LRP1B: variants seen among roughly 807,000 people sequenced by gnomAD.
LRP1B encodes the protein low-density lipoprotein receptor-related protein 1B.
Under a neutral mutation model 556.6 loss-of-function variants are expected in LRP1B, and 217 were observed. The ratio of observed to expected loss-of-function variants is 0.39; its 90% CI spans 0.35 to 0.44. The LOEUF is 0.44. LRP1B is among the 20% of genes least tolerant of loss of function. The pLI is 1.00. For missense variants in LRP1B, 5,053 were observed against 5,620.8 expected (o/e 0.90, Z 3.23); for synonymous variants, 2,047 against 1,865.8 (o/e 1.10, Z -2.50).
In LRP1B at chr2:140,868,278, A is replaced by G. The variant is rs2105156941; in HGVS notation, c.4170-15T>C. ...AGAAAAGAATTCTAAAAAAAAAAAA[A>G]AAAAAAGAAATAATACTATTGTTTC... On this transcript the variant is annotated splice_polypyrimidine_tract_variant and intron_variant, in intron 25 of 90. Transcript: ENST00000389484. 8.3e-6 allele frequency: 13 copies of G among 1,556,966 alleles called. No individual in the cohort carries two copies. Among genetic ancestry groups the G allele is most frequent in the Non-Finnish European group, 1.1e-5 (13 of 1,159,100 alleles).
intron 47 of LRP1B, among the ~76,000 whole-genome samples, chr2:140,533,491 G>A (rs1277684435): frequency 6.6e-6 from 1 of 152,028 alleles, no homozygotes; most frequent in Non-Finnish European, 1.5e-5. Flanking sequence ...GATGACATAG[G>A]GATGAACTGG....
chr2:142,021,172 T>C (rs1254587454), intron 1 of LRP1B, among the ~76,000 whole-genome samples: 3 of 152,170 alleles, frequency 2.0e-5, no homozygotes, highest in South Asian at 2.1e-4. Context: ...TCCAGAGATA[T>C]AATGATTCAT....
intron 3 of LRP1B, among the ~76,000 whole-genome samples, chr2:141,285,490 C>A (rs1422697566): frequency 1.1e-5 from 1 of 91,306 alleles, no homozygotes; most frequent in African/African-American, 4.5e-5. Context: ...GAGTGTTGTT[C>A]TGTCGCCCAG....
At chr2:141,837,335 T>C (rs949838652) in intron 1 of LRP1B, among the ~76,000 whole-genome samples, 1 of 152,046 alleles carries the variant, frequency 6.6e-6, no homozygotes, top group East Asian at 1.9e-4. Context: ...TTTCTGAATG[T>C]CACTTTTTTA....
intron 31 of LRP1B, among the ~76,000 whole-genome samples, chr2:140,836,177 A>G (rs1351273315): frequency 6.6e-6 from 1 of 152,202 alleles, no homozygotes; most frequent in Non-Finnish European, 1.5e-5. Flanking sequence ...TCTTTAGAGT[A>G]TATAAGTATG....
At chr2:141,868,425 T>C (rs1698482101) in intron 1 of LRP1B, among the ~76,000 whole-genome samples, 1 of 152,166 alleles carries the variant, frequency 6.6e-6, no homozygotes, top group Admixed American at 6.5e-5. Flanking sequence ...AGAATTAGTA[T>C]TCATATGGGC....
chr2:141,219,552 G>T (rs1558941064), intron 6 of LRP1B, among the ~76,000 whole-genome samples: 1 of 152,230 alleles, frequency 6.6e-6, no homozygotes. Context: ...ATTCTCCCCA[G>T]TGCAGCCAAA....
Position 140,905,183 on chromosome 2 carries a change from C to G in LRP1B, c.3521-2018G>C, listed in dbSNP as rs374237471. 1.5e-4 allele frequency among the ~76,000 whole-genome samples: 23 copies of G among 152,180 alleles called. No individual in the cohort carries two copies. In the South Asian group the frequency reaches 4.2e-3, roughly 27 times the overall value. On this transcript the variant is annotated intron_variant, in intron 22 of 90. Coordinates refer to ENST00000389484, the MANE Select transcript of LRP1B (RefSeq NM_018557.3). ...TTGGCCAATAAAAACTGCAGACTCT[C>G]AGCACAAATGATTTCATCCTGCTGC...
intron 18 of LRP1B, among the ~76,000 whole-genome samples, chr2:140,959,018 T>C (rs1489723537): frequency 6.7e-6 from 1 of 149,536 alleles, no homozygotes; most frequent in Non-Finnish European, 1.5e-5. Flanking sequence ...TCAGCGCTGC[T>C]CAGATAAGTT....
At chr2:140,638,298 G>A (rs930320711) in intron 41 of LRP1B, among the ~76,000 whole-genome samples, 3 of 152,126 alleles carry the variant, frequency 2.0e-5, no homozygotes, top group Non-Finnish European at 2.9e-5. Context: ...CAGCATTTCT[G>A]GAGGGGCATG....
intron 30 of LRP1B, among the ~76,000 whole-genome samples, chr2:140,840,505 A>G (rs1281904464): frequency 6.6e-6 from 1 of 152,182 alleles, no homozygotes; most frequent in Non-Finnish European, 1.5e-5. Context: ...TTTTAGCTCT[A>G]TGCAAGCTCC....
intron 2 of LRP1B, among the ~76,000 whole-genome samples, chr2:141,600,212 T>C (rs56141129): frequency 0.026 from 3,906 of 152,266 alleles, 165 homozygotes; most frequent in African/African-American, 0.088. Context: ...AGAGCGGTCT[T>C]ACTTGTGCCT....
At chr2:140,524,268 C>T (rs534559836) in intron 49 of LRP1B, among the ~76,000 whole-genome samples, 3 of 151,926 alleles carry the variant, frequency 2.0e-5, no homozygotes, top group Admixed American at 1.3e-4. Context: ...ATCAAAACCA[C>T]GAGGTACCAT....
chr2:141,233,296 T>G (rs1190701072), intron 5 of LRP1B, among the ~76,000 whole-genome samples: 2 of 152,188 alleles, frequency 1.3e-5, no homozygotes, highest in Middle Eastern at 3.2e-3. Flanking sequence ...GGTAAACACC[T>G]ACAGCAGGCT....
At chr2:142,077,900 A>G (rs1255307368) in intron 1 of LRP1B, among the ~76,000 whole-genome samples, 1 of 152,190 alleles carries the variant, frequency 6.6e-6, no homozygotes, top group East Asian at 1.9e-4. Context: ...GCCCCTTTAC[A>G]GAACCGTATT....
intron 1 of LRP1B, among the ~76,000 whole-genome samples, chr2:141,906,735 T>G (rs571529697): frequency 6.6e-6 from 1 of 152,164 alleles, no homozygotes; most frequent in East Asian, 1.9e-4. Context: ...TGTGTTTTGG[T>G]GTGTGCATGC....
intron 1 of LRP1B, among the ~76,000 whole-genome samples, chr2:142,052,593 A>G (rs1272252157): frequency 2.0e-5 from 3 of 152,132 alleles, no homozygotes; most frequent in Non-Finnish European, 4.4e-5. Context: ...GAAACTCAGA[A>G]AAGTTCCTCC....
intron 2 of LRP1B, among the ~76,000 whole-genome samples, chr2:141,642,511 A>G (rs1415273774): frequency 6.6e-6 from 1 of 152,176 alleles, no homozygotes; most frequent in Non-Finnish European, 1.5e-5. Context: ...ACATAAAAAA[A>G]TTACTGCAAT....
chr2:141,161,820 G>T (rs1424506907), intron 7 of LRP1B, among the ~76,000 whole-genome samples: 1 of 152,068 alleles, frequency 6.6e-6, no homozygotes, highest in Non-Finnish European at 1.5e-5. Context: ...TATATGCACA[G>T]CACCCACCTG....
Sources: gnomAD v4.1 joint callset for allele counts (sites outside exome capture counted in the v4.1 genomes callset) on GRCh38, gnomAD v4.1.1 for gene constraint, MANE v1.5 for transcripts, NCBI Gene and HGNC (gene_info 2026-07-23, HGNC 2026-07-21) for gene names.